PDE10A: variants seen among roughly 807,000 people sequenced by gnomAD.
The protein encoded by PDE10A is cAMP and cAMP-inhibited cGMP 3',5'-cyclic phosphodiesterase 10A.
PDE10A carries 39 observed loss-of-function variants against 97.7 expected under a neutral mutation model. The ratio of observed to expected loss-of-function variants is 0.40; its 90% CI spans 0.31 to 0.52. The LOEUF (loss-of-function observed/expected upper bound fraction) is 0.52. PDE10A is among the 20% of genes least tolerant of loss of function. The pLI is 0.56. For missense variants in PDE10A, 731 were observed against 1,047.8 expected (o/e 0.70, Z 4.17); for synonymous variants, 371 against 376.8 (o/e 0.98, Z 0.18).
At chr6:165,949,223 C>T (rs1055198782) in intron 1 of PDE10A, 3 of 152,216 alleles carry the variant, frequency 2.0e-5, no homozygotes, top group Non-Finnish European at 4.4e-5. Context: ...GTCACGCTAA[C>T]CCATTTGAGA....
intron 1 of PDE10A, among the ~76,000 whole-genome samples, chr6:165,779,329 T>C (rs925695484): frequency 6.6e-6 from 1 of 152,210 alleles, no homozygotes; most frequent in African/African-American, 2.4e-5. Context: ...TAATGGAAAA[T>C]CATTGTGTAG....
At chr6:165,603,636 C>A (rs12206770) in intron 1 of PDE10A, among the ~76,000 whole-genome samples, 1 of 152,164 alleles carries the variant, frequency 6.6e-6, no homozygotes, top group African/African-American at 2.4e-5. Flanking sequence ...AGGGGAGCAG[C>A]GTCCCAGTGA....
At chr6:165,688,194 A>T (rs1021071195) in intron 1 of PDE10A, among the ~76,000 whole-genome samples, 7 of 152,232 alleles carry the variant, frequency 4.6e-5, no homozygotes, top group African/African-American at 1.7e-4. Flanking sequence ...GATACAGTTT[A>T]AAAAATCTAA....
At chr6:165,635,844 G>A (rs1169091972) in intron 1 of PDE10A, among the ~76,000 whole-genome samples, 1 of 152,074 alleles carries the variant, frequency 6.6e-6, no homozygotes, top group East Asian at 1.9e-4. Flanking sequence ...AATAGAGGTA[G>A]ACATATCTTG....
chr6:165,983,003 C>T (rs76214753), intron 1 of PDE10A, among the ~76,000 whole-genome samples: 2,610 of 152,130 alleles, frequency 0.017, 72 homozygotes, highest in African/African-American at 0.059. Flanking sequence ...GTATAGACTG[C>T]ACACATGTTG....
chr6:165,967,517 A>C (rs190794003), intron 1 of PDE10A, among the ~76,000 whole-genome samples: 1 of 152,348 alleles, frequency 6.6e-6, no homozygotes, highest in East Asian at 1.9e-4. Flanking sequence ...AATTTGTTTA[A>C]CTGTCAGAAA....
intron 1 of PDE10A, among the ~76,000 whole-genome samples, chr6:165,724,559 T>C (rs1334183951): frequency 4.6e-5 from 7 of 152,214 alleles, no homozygotes; most frequent in Admixed American, 4.6e-4. Flanking sequence ...CTTCGTCCTG[T>C]CACTTAGACT....
chr6:165,974,201 C>G (rs1784781695), intron 1 of PDE10A, among the ~76,000 whole-genome samples: 1 of 152,192 alleles, frequency 6.6e-6, no homozygotes, highest in Admixed American at 6.5e-5. Context: ...CAAGTGGCAA[C>G]TTTCACAAAT....
At chr6:165,604,647 G>A (rs1787124137) in intron 1 of PDE10A, among the ~76,000 whole-genome samples, 1 of 152,188 alleles carries the variant, frequency 6.6e-6, no homozygotes. Flanking sequence ...TACATGGAAT[G>A]GGATACTACT....
In PDE10A at chr6:165,691,199, CT is replaced by C. The variant is rs1391520790; in HGVS notation, c.-614-147632del. On this transcript the variant is annotated intron_variant, in intron 1 of 19. Transcript: ENST00000366882. ...TCTCTCTCTCTCTCCCTCTCTCTCTCTCCCCACACACACACACACACACACA... is the reference window on the plus strand; with the variant it reads ...TCTCTCTCTCTCTCCCTCTCTCTCTCCCCCACACACACACACACACACACA... 5.0e-4 allele frequency among the ~76,000 whole-genome samples: 28 copies of C among 56,074 alleles called. 1 individual carries two copies. The highest frequency in any genetic ancestry group is 2.5e-3 in the African/African-American group (26 of 10,280). The allele number at this position is 56,074 out of a possible 152,430, so 36.8% of individuals were successfully genotyped here. A position where few individuals can be genotyped will look rare whatever the true frequency, so the allele number is the denominator to read the frequency against.
chr6:165,589,039 A>G (rs560442191), intron 1 of PDE10A, among the ~76,000 whole-genome samples: 35 of 152,342 alleles, frequency 2.3e-4, no homozygotes, highest in African/African-American at 8.4e-4. Flanking sequence ...CATGGCCACA[A>G]AACTAACATA....
At chr6:165,631,723 A>G (rs1488866931) in intron 1 of PDE10A, among the ~76,000 whole-genome samples, 1 of 152,252 alleles carries the variant, frequency 6.6e-6, no homozygotes, top group Admixed American at 6.5e-5. Flanking sequence ...TAAAGGGTAG[A>G]GAAACAAGGT....
chr6:165,741,170 T>C (rs1792710643), intron 1 of PDE10A, among the ~76,000 whole-genome samples: 2 of 152,156 alleles, frequency 1.3e-5, no homozygotes, highest in African/African-American at 4.8e-5. Context: ...CTGGATATGT[T>C]TGTTAATAAG....
intron 1 of PDE10A, among the ~76,000 whole-genome samples, chr6:165,938,379 CTT>C (rs1196789437): frequency 3.9e-5 from 6 of 152,204 alleles, no homozygotes; most frequent in Non-Finnish European, 7.3e-5. Flanking sequence ...ACTCATATCT[CTT>C]GTTGTTTTCA....
At chr6:165,735,458 G>A (rs1194708993) in intron 1 of PDE10A, among the ~76,000 whole-genome samples, 1 of 152,074 alleles carries the variant, frequency 6.6e-6, no homozygotes, top group Non-Finnish European at 1.5e-5. Context: ...AGGTAGATAG[G>A]TAGGTGGGTA....
At position 165,400,173 on chromosome 6, in the gene PDE10A, T is replaced by C. The variant is rs1168744389; in HGVS notation, c.2077-3714A>G. Among the ~76,000 whole-genome samples, 3 of 151,976 alleles carry C rather than the reference T, an allele frequency of 2.0e-5. No homozygotes were observed. In the East Asian group the frequency reaches 5.8e-4, roughly 29 times the overall value. Reference sequence around the variant, plus strand: ...AAACTTTGACCCTTACCTTGTACCATATACAAATATTTACTTAAAATGAAT... The same window carrying C: ...AAACTTTGACCCTTACCTTGTACCACATACAAATATTTACTTAAAATGAAT... On this transcript the variant is annotated intron_variant, in intron 13 of 21. Transcript: ENST00000539869.
chr6:165,489,329 T>G (rs1780093041), intron 2 of PDE10A, among the ~76,000 whole-genome samples: 1 of 152,150 alleles, frequency 6.6e-6, no homozygotes, highest in Non-Finnish European at 1.5e-5. Context: ...GCTGTGTGGT[T>G]ACATTCAGAA....
intron 2 of PDE10A, among the ~76,000 whole-genome samples, chr6:165,528,608 G>A (rs548898883): frequency 1.3e-5 from 2 of 152,332 alleles, no homozygotes; most frequent in Admixed American, 6.5e-5. Flanking sequence ...TATCCTGCAT[G>A]CAATGCTTCT....
chr6:165,603,202 A>G (rs1441075643), intron 1 of PDE10A, among the ~76,000 whole-genome samples: 1 of 152,244 alleles, frequency 6.6e-6, no homozygotes, highest in Non-Finnish European at 1.5e-5. Context: ...AATAGGGGCC[A>G]TGAAGCTCCT....
Sources: gnomAD v4.1 joint callset for allele counts (sites outside exome capture counted in the v4.1 genomes callset) on GRCh38, gnomAD v4.1.1 for gene constraint, MANE v1.5 for transcripts, NCBI Gene and HGNC (gene_info 2026-07-23, HGNC 2026-07-21) for gene names.